The following LRP1B variants were observed in gnomAD, a reference collection of about 807,000 sequenced individuals.
LRP1B encodes the protein low-density lipoprotein receptor-related protein 1B.
LRP1B carries 217 observed loss-of-function variants against 556.6 expected under a neutral mutation model. The observed-to-expected ratio is 0.39, with a 90% CI of 0.35 to 0.44. The LOEUF (loss-of-function observed/expected upper bound fraction) is 0.44. Among genes scored for constraint, LRP1B ranks in the 20% least tolerant of loss-of-function variants. LRP1B has a pLI of 1.00. For synonymous variants in LRP1B, 2,047 were observed against 1,865.8 expected, an observed-to-expected ratio of 1.10 and a Z score of -2.50; for missense variants, 5,053 against 5,620.8, an observed-to-expected ratio of 0.90 and a Z score of 3.23.
intron 3 of LRP1B, among the ~76,000 whole-genome samples, chr2:141,346,595 C>T (rs1232586398): frequency 6.6e-6 from 1 of 152,092 alleles, no homozygotes; most frequent in African/African-American, 2.4e-5. Context: ...GAGGTATACC[C>T]TGAACGAAAC....
intron 2 of LRP1B, among the ~76,000 whole-genome samples, chr2:141,639,422 AT>A (rs1422219990): frequency 6.2e-5 from 8 of 128,966 alleles, no homozygotes; most frequent in East Asian, 4.5e-4. Flanking sequence ...ATATATATAT[AT>A]TTTTTTTTGA....
At chr2:140,316,123 A>G (rs1322404506) in intron 82 of LRP1B, among the ~76,000 whole-genome samples, 1 of 152,156 alleles carries the variant, frequency 6.6e-6, no homozygotes, top group Non-Finnish European at 1.5e-5. Flanking sequence ...GCATATTGGC[A>G]TGGCCTTCTC....
intron 2 of LRP1B, among the ~76,000 whole-genome samples, chr2:141,579,549 T>A (rs1345717011): frequency 6.6e-6 from 1 of 151,986 alleles, no homozygotes; most frequent in Non-Finnish European, 1.5e-5. Context: ...ATGTATGAAC[T>A]AATAATAAAT....
intron 32 of LRP1B, among the ~76,000 whole-genome samples, chr2:140,777,377 G>C (rs182307078): frequency 1.5e-3 from 234 of 152,228 alleles, no homozygotes; most frequent in African/African-American, 4.4e-3. Flanking sequence ...ATTAAAGCTG[G>C]TGCCATGCAA....
At chr2:141,034,433 T>A (rs945087668) in intron 11 of LRP1B, among the ~76,000 whole-genome samples, 1 of 151,732 alleles carries the variant, frequency 6.6e-6, no homozygotes, top group African/African-American at 2.4e-5. Context: ...ACCTACAAAA[T>A]GGGAGAAAAT....
At chr2:140,846,917 T>C (rs1282764876) in intron 29 of LRP1B, among the ~76,000 whole-genome samples, 2 of 152,224 alleles carry the variant, frequency 1.3e-5, no homozygotes, top group African/African-American at 4.8e-5. Context: ...AATGGAAAGA[T>C]ATATCCATCT....
At chr2:141,230,712 G>A (rs990425772) in intron 5 of LRP1B, among the ~76,000 whole-genome samples, 3 of 152,074 alleles carry the variant, frequency 2.0e-5, no homozygotes. Context: ...CACCTCAGAG[G>A]GGCTTCCCAC....
chr2:140,543,600 G>C lies in LRP1B; in HGVS notation c.7195-1629C>G, dbSNP rs191941154. On this transcript the variant is annotated intron_variant, in intron 43 of 90. Transcript: ENST00000389484. ...AAAAATATGAATAGAAATATAACGA[G>C]GCACAAAACAGGGGTGATCACTCTC... Among the ~76,000 whole-genome samples, 336 of 151,726 alleles carry C rather than the reference G, an allele frequency of 2.2e-3. 3 individuals carry two copies. Among genetic ancestry groups the C allele is most frequent in the Admixed American group, 4.3e-3 (66 of 15,174 alleles).
intron 2 of LRP1B, among the ~76,000 whole-genome samples, chr2:141,583,684 C>A (rs1219305339): frequency 6.6e-6 from 1 of 151,606 alleles, no homozygotes; most frequent in Non-Finnish European, 1.5e-5. Context: ...TGTATTCACT[C>A]AATATATCAT....
chr2:141,629,392 ACTT>A (rs1409758438), intron 2 of LRP1B, among the ~76,000 whole-genome samples: 2 of 152,122 alleles, frequency 1.3e-5, no homozygotes, highest in Non-Finnish European at 2.9e-5. Context: ...AGTTGTGTGC[ACTT>A]CTTTATAACA....
At chr2:140,333,452 G>T (rs1427830053) in intron 79 of LRP1B, among the ~76,000 whole-genome samples, 1 of 151,992 alleles carries the variant, frequency 6.6e-6, no homozygotes, top group Non-Finnish European at 1.5e-5. Context: ...CATTCAATGG[G>T]CATATTTGTT....
intron 1 of LRP1B, among the ~76,000 whole-genome samples, chr2:142,087,516 T>G (rs1418481333): frequency 6.6e-6 from 1 of 151,540 alleles, no homozygotes; most frequent in Admixed American, 6.6e-5. Flanking sequence ...CCTCTGAGTC[T>G]CTGCCACTTA....
intron 35 of LRP1B, among the ~76,000 whole-genome samples, chr2:140,727,827 T>G (rs182264691): frequency 3.9e-4 from 60 of 152,302 alleles, no homozygotes; most frequent in African/African-American, 1.3e-3. Flanking sequence ...AGACCCAGAT[T>G]CTTGATATTC....
At chr2:140,635,437 A>G (rs1167050843) in intron 41 of LRP1B, among the ~76,000 whole-genome samples, 1 of 152,012 alleles carries the variant, frequency 6.6e-6, no homozygotes, top group Non-Finnish European at 1.5e-5. Flanking sequence ...GTTAAAAAAA[A>G]AATTCCTTAT....
At chr2:140,319,584 G>T (rs536511192) in intron 82 of LRP1B, among the ~76,000 whole-genome samples, 5 of 152,204 alleles carry the variant, frequency 3.3e-5, no homozygotes, top group East Asian at 3.9e-4. Flanking sequence ...AGAATGCATG[G>T]ATACACAAGA....
At chr2:140,372,940 G>A (rs935764175) in intron 69 of LRP1B, 68 bp downstream of exon 69, 80 of 1,546,846 alleles carry the variant, frequency 5.2e-5, no homozygotes, top group Middle Eastern at 1.7e-4. Context: ...TCTGCATATT[G>A]CTGCTTAAAT....
At chr2:141,354,782 A>T (rs1688566574) in intron 3 of LRP1B, among the ~76,000 whole-genome samples, 2 of 152,064 alleles carry the variant, frequency 1.3e-5, no homozygotes, top group South Asian at 4.1e-4. Context: ...AATTATAAAA[A>T]AAAAACTGAA....
chr2:140,668,891 C>T (rs145493854), intron 41 of LRP1B, among the ~76,000 whole-genome samples: 21 of 151,822 alleles, frequency 1.4e-4, no homozygotes, highest in African/African-American at 4.1e-4. Context: ...ATGTAAAATA[C>T]GGGACTAAAA....
At chr2:141,484,725 A>G (rs1258428327) in intron 2 of LRP1B, among the ~76,000 whole-genome samples, 1 of 151,934 alleles carries the variant, frequency 6.6e-6, no homozygotes, top group Non-Finnish European at 1.5e-5. Flanking sequence ...CTTTGAAGCA[A>G]TTGTGAATGG....
Sources: allele counts gnomAD v4.1 joint callset (sites outside exome capture counted in the v4.1 genomes callset), GRCh38; gene constraint gnomAD v4.1.1; transcripts MANE v1.5; gene names NCBI Gene and HGNC (gene_info 2026-07-23, HGNC 2026-07-21).